The following DCC variants were observed in gnomAD, a reference collection of about 807,000 sequenced individuals.
DCC encodes the protein DCC netrin 1 receptor.
In DCC, 58 loss-of-function variants were observed where a neutral mutation model predicts 172.5. That is an observed-to-expected ratio of 0.34 (90% CI 0.27 to 0.42). The LOEUF (loss-of-function observed/expected upper bound fraction) is 0.42. Ranked by LOEUF, DCC falls within the 10% of genes least tolerant of loss-of-function variation. The pLI, the probability that DCC is intolerant of heterozygous loss-of-function variation, is 1.00. For missense variants in DCC, 1,740 were observed against 1,791.0 expected, an observed-to-expected ratio of 0.97 and a Z score of 0.51; for synonymous variants, 709 against 644.5, an observed-to-expected ratio of 1.10 and a Z score of -1.52.
rs558857362 is a variant in DCC, at chr18:52,927,061, A to G, written c.985+1691A>G. On this transcript the variant is annotated intron_variant, in intron 5 of 28. Transcript: ENST00000442544. Reference sequence around the variant, plus strand: ...TATGCCAATACATATATATACACATATATACACACATATATGTGTATATAC... The same window carrying G: ...TATGCCAATACATATATATACACATGTATACACACATATATGTGTATATAC... 8.7e-5 allele frequency among the ~76,000 whole-genome samples: 12 copies of G among 138,440 alleles called. 3 individuals carry two copies. Among genetic ancestry groups the G allele is most frequent in the African/African-American group, 2.1e-4 (8 of 38,814 alleles). The allele number at this position is 138,440 out of a possible 152,430, so 90.8% of individuals were successfully genotyped here.
At chr18:53,287,132 A>G (rs1265760514) in intron 12 of DCC, among the ~76,000 whole-genome samples, 1 of 152,118 alleles carries the variant, frequency 6.6e-6, no homozygotes, top group Non-Finnish European at 1.5e-5. Flanking sequence ...TTCACCTCTC[A>G]TCTTCCAGTC....
chr18:53,221,921 GA>G (rs1369017657), intron 12 of DCC, among the ~76,000 whole-genome samples: 1 of 152,122 alleles, frequency 6.6e-6, no homozygotes, highest in Non-Finnish European at 1.5e-5. Flanking sequence ...AAAATCTGCT[GA>G]AAAAGCCAAC....
intron 7 of DCC, among the ~76,000 whole-genome samples, chr18:53,078,141 C>T (rs1484583936): frequency 6.6e-6 from 1 of 152,016 alleles, no homozygotes; most frequent in Non-Finnish European, 1.5e-5. Context: ...TAAGGAATCA[C>T]AAATTAGAGT....
At chr18:52,383,315 T>C (rs796418644) in intron 1 of DCC, among the ~76,000 whole-genome samples, 7 of 152,134 alleles carry the variant, frequency 4.6e-5, no homozygotes, top group East Asian at 1.9e-4. Flanking sequence ...AACAGACTGG[T>C]GAGAAATGTT....
At chr18:52,734,181 G>A (rs2036689955) in intron 1 of DCC, among the ~76,000 whole-genome samples, 1 of 151,978 alleles carries the variant, frequency 6.6e-6, no homozygotes. Context: ...CATAGTAGGT[G>A]TATATATGTA....
At chr18:53,307,995 G>C (rs1023640847) in intron 13 of DCC, among the ~76,000 whole-genome samples, 10 of 144,080 alleles carry the variant, frequency 6.9e-5, no homozygotes, top group Admixed American at 3.5e-4. Context: ...ATGTATGTCT[G>C]TACATATAAT....
intron 2 of DCC, among the ~76,000 whole-genome samples, chr18:52,774,945 C>T (rs2037403432): frequency 6.6e-6 from 1 of 152,164 alleles, no homozygotes; most frequent in Non-Finnish European, 1.5e-5. Flanking sequence ...TGATAAGAGC[C>T]ATTTCAAACC....
At chr18:52,953,903 A>T (rs754559599) in intron 5 of DCC, among the ~76,000 whole-genome samples, 10 of 152,220 alleles carry the variant, frequency 6.6e-5, no homozygotes, top group Non-Finnish European at 1.3e-4. Context: ...TGCAAAAGCA[A>T]TCGGAGTTTC....
chr18:53,493,031 C>T (rs746503246), intron 26 of DCC, among the ~76,000 whole-genome samples: 3 of 152,182 alleles, frequency 2.0e-5, no homozygotes, highest in Non-Finnish European at 2.9e-5. Context: ...TGAAGATGTC[C>T]TTCACATTCC....
At chr18:52,387,579 C>CTTCCTTCCTTCT (rs1331554278) in intron 1 of DCC, among the ~76,000 whole-genome samples, 1 of 95,332 alleles carries the variant, frequency 1.0e-5, no homozygotes, top group Non-Finnish European at 2.4e-5. Flanking sequence ...TTGTTTCTTC[C>CTTCCTTCCTTCT]TTCCTTCCTT....
intron 15 of DCC, among the ~76,000 whole-genome samples, chr18:53,366,347 C>T (rs969075097): frequency 6.6e-6 from 1 of 152,214 alleles, no homozygotes; most frequent in South Asian, 2.1e-4. Context: ...CACACCCAGC[C>T]CTTAATATGT....
At chr18:52,822,023 T>C (rs1410916413) in intron 2 of DCC, among the ~76,000 whole-genome samples, 1 of 152,204 alleles carries the variant, frequency 6.6e-6, no homozygotes, top group Non-Finnish European at 1.5e-5. Context: ...ATTAATTTGG[T>C]AATTGGGCTT....
chr18:52,936,388 G>C (rs2040382238), intron 5 of DCC, among the ~76,000 whole-genome samples: 1 of 121,908 alleles, frequency 8.2e-6, no homozygotes, highest in African/African-American at 2.9e-5. Context: ...TTGGATTGGT[G>C]GTAGGATAGG....
intron 2 of DCC, among the ~76,000 whole-genome samples, chr18:52,820,634 C>T (rs368251259): frequency 9.8e-4 from 149 of 152,118 alleles, no homozygotes; most frequent in African/African-American, 3.5e-3. Context: ...AAGGGGCCGA[C>T]CAGAAATTCT....
intron 12 of DCC, among the ~76,000 whole-genome samples, chr18:53,223,165 T>C (rs1164906877): frequency 2.0e-5 from 3 of 152,134 alleles, no homozygotes; most frequent in East Asian, 1.9e-4. Context: ...TAAATAGGAC[T>C]TAGGAAAACA....
intron 2 of DCC, among the ~76,000 whole-genome samples, chr18:52,847,263 G>A (rs2038909853): frequency 6.6e-6 from 1 of 152,104 alleles, no homozygotes; most frequent in South Asian, 2.1e-4. Context: ...CAGAAGTTAA[G>A]GTCAAAATGT....
chr18:52,879,248 G>A (rs2039444769), intron 2 of DCC, among the ~76,000 whole-genome samples: 1 of 151,950 alleles, frequency 6.6e-6, no homozygotes, highest in Non-Finnish European at 1.5e-5. Flanking sequence ...TTTCATTTGA[G>A]GGAATAAAGT....
chr18:52,677,827 C>T (rs1273475134), intron 1 of DCC, among the ~76,000 whole-genome samples: 2 of 152,170 alleles, frequency 1.3e-5, no homozygotes, highest in Non-Finnish European at 2.9e-5. Context: ...TCTCAAAAGG[C>T]TGGCTTCTCG....
At position 52,340,373 on chromosome 18, in the gene DCC, C is replaced by A; in HGVS notation, c.-415C>A. 2 of 241,854 alleles carry A rather than the reference C, an allele frequency of 8.3e-6. No individual in the cohort carries two copies. Among genetic ancestry groups the A allele is most frequent in the Non-Finnish European group, 1.6e-5 (2 of 121,716 alleles). 15.0% of individuals were successfully genotyped at this position (241,854 alleles called of 1,614,324 possible). A position where few individuals can be genotyped will look rare whatever the true frequency, so the allele number is the denominator to read the frequency against. On this transcript the variant is annotated 5_prime_UTR_variant, in exon 1 of 29. Coordinates refer to ENST00000442544, the MANE Select transcript of DCC (RefSeq NM_005215.4). The stretch of plus-strand genomic sequence containing the variant: ...CCGACGACAAGGAACCAGCCTCAAC[C>A]TTTTAATGCACAGCCCGGCCACAGG...
Sources: allele counts gnomAD v4.1 joint callset (sites outside exome capture counted in the v4.1 genomes callset), GRCh38; gene constraint gnomAD v4.1.1; transcripts MANE v1.5; gene names NCBI Gene and HGNC (gene_info 2026-07-23, HGNC 2026-07-21).